Variants in PCDHGB4 observed in about 807,000 individuals in gnomAD.
The protein encoded by PCDHGB4 is protocadherin gamma-B4.
In PCDHGB4, 38 loss-of-function variants were observed where a neutral mutation model predicts 60.5. The ratio of observed to expected loss-of-function variants is 0.63; its 90% CI spans 0.48 to 0.82. PCDHGB4 has a LOEUF of 0.82. Ranked by LOEUF, PCDHGB4 falls within the 40% of genes least tolerant of loss-of-function variation. PCDHGB4 has a pLI of 0.00. For missense variants in PCDHGB4, 1,109 were observed against 1,209.6 expected, an observed-to-expected ratio of 0.92 and a Z score of 1.23; for synonymous variants, 456 against 509.7, an observed-to-expected ratio of 0.89 and a Z score of 1.42.
At position 141,389,005 on chromosome 5, in the gene PCDHGB4, C is replaced by T. The variant is rs757594459; in HGVS notation, c.1121C>T (p.Ser374Phe). 81 of 1,613,780 alleles carry T rather than the reference C, an allele frequency of 5.0e-5. No individual in the cohort carries two copies. Among genetic ancestry groups the T allele is most frequent in the Non-Finnish European group, 6.7e-5 (79 of 1,179,858 alleles). The change falls in exon 1 of 4, where the codon TCC (serine) becomes TTC (phenylalanine). Residue 374 changes from serine to phenylalanine, a missense_variant. By Grantham distance (155) the Ser-to-Phe change is radical. Transcript: ENST00000519479. The part of the protein sequence containing the change: ...IALLKVRDKD[S>F]RHNGEVTCKL... The stretch of plus-strand genomic sequence containing the variant: ...TTGCTCAAAGTCCGTGACAAGGATT[C>T]CAGACACAATGGAGAAGTGACTTGT...
intron 3 of PCDHGB4, among the ~76,000 whole-genome samples, chr5:141,509,686 G>A (rs1350812680): frequency 6.6e-6 from 1 of 152,212 alleles, no homozygotes; most frequent in Non-Finnish European, 1.5e-5. Flanking sequence ...CTTCTGTACA[G>A]TGGGACGTTG....
intron 1 of PCDHGB4, chr5:141,417,615 A>G (rs908930043): frequency 3.2e-6 from 2 of 629,140 alleles, no homozygotes; most frequent in Non-Finnish European, 5.1e-6. Flanking sequence ...CGGCCAGTGC[A>G]GAGCAAGCGC....
At chr5:141,415,653 G>T in intron 1 of PCDHGB4, 1 of 1,539,362 alleles carries the variant, frequency 6.5e-7, no homozygotes, top group Non-Finnish European at 8.8e-7. Context: ...AAAAAAAAAA[G>T]ATTGGTTTTT....
At chr5:141,394,874 G>C in intron 1 of PCDHGB4, 3 of 1,613,814 alleles carry the variant, frequency 1.9e-6, no homozygotes, top group South Asian at 1.1e-5. Context: ...CGAACGATTC[G>C]AGCCTTACAC....
intron 1 of PCDHGB4, chr5:141,391,427 A>G (rs1374909206): frequency 1.3e-5 from 2 of 151,516 alleles, no homozygotes; most frequent in Non-Finnish European, 2.9e-5. Flanking sequence ...TTCCTTCTGC[A>G]TCAGCCTCCT....
rs560084217 is a variant in PCDHGB4 at position 141,395,247 on chromosome 5, G to A, written c.2397+4966G>A. On this transcript the variant is annotated intron_variant, in intron 1 of 3. Transcript: ENST00000519479. ...AGCTGATCATGGTCAGGTGAGTTTA[G>A]TTCTTTGCTTGCTTTTAATTTCCAG... 4 of 1,561,194 alleles carry A rather than the reference G, an allele frequency of 2.6e-6. No individual in the cohort carries two copies. The East Asian group carries it at 9.1e-5, about 35-fold the overall frequency.
chr5:141,508,737 C>A (rs919094477), intron 3 of PCDHGB4, among the ~76,000 whole-genome samples: 8 of 152,010 alleles, frequency 5.3e-5, no homozygotes, highest in Non-Finnish European at 1.2e-4. Flanking sequence ...CTACACCCCC[C>A]ACCCCGCTCT....
chr5:141,475,708 C>G (rs2099367415), intron 1 of PCDHGB4, among the ~76,000 whole-genome samples: 1 of 152,238 alleles, frequency 6.6e-6, no homozygotes, highest in African/African-American at 2.4e-5. Flanking sequence ...AACGGCTAGC[C>G]TCACAGCCCC....
At position 141,477,505 on chromosome 5, in the gene PCDHGB4, C is replaced by T. The variant is rs2099412175; in HGVS notation, c.2398-17302C>T. The T allele has an allele frequency of 5.0e-6, 8 of 1,614,126 alleles. No individual in the cohort carries two copies. Among genetic ancestry groups the T allele is most frequent in the Admixed American group, 1.7e-5 (1 of 60,024 alleles). On this transcript the variant is annotated intron_variant, in intron 1 of 3. Transcript: ENST00000519479. This position sits in a 1 kb window ranked among gnomAD's most constrained non-coding sequence, Gnocchi z 4.9. ...CACAATCTTCTCAATCTTCCTACGACGTTTACATTGAAGAAAACAACCTCC... is the reference window on the plus strand; with the variant it reads ...CACAATCTTCTCAATCTTCCTACGATGTTTACATTGAAGAAAACAACCTCC...
intron 1 of PCDHGB4, chr5:141,409,662 TCTC>T (rs1473145245): frequency 2.5e-6 from 4 of 1,613,562 alleles, no homozygotes; most frequent in Admixed American, 1.7e-5. Context: ...AATGGCCACA[TCTC>T]CTACTCTATA....
At position 141,428,042 on chromosome 5, in the gene PCDHGB4, G is replaced by A; in HGVS notation, c.2397+37761G>A. The A allele has an allele frequency of 1.9e-6, 3 of 1,608,716 alleles. No individual in the cohort carries two copies. The South Asian group carries it at 3.3e-5, about 18-fold the overall frequency. On this transcript the variant is annotated intron_variant, in intron 1 of 3. Transcript: ENST00000519479. ...GCGCCGCAGAGTCCGGCTACCTGGT[G>A]ACCAAGGTGGTGGCGGTGGACGCAG...
chr5:141,426,418 T>C (rs1445827088), intron 1 of PCDHGB4: 2 of 288,504 alleles, frequency 6.9e-6, no homozygotes, highest in Non-Finnish European at 1.4e-5. Flanking sequence ...GGTCCAGGGC[T>C]CCGTGGTGGG....
chr5:141,450,119 G>A (rs765403319), intron 1 of PCDHGB4, among the ~76,000 whole-genome samples: 2 of 148,920 alleles, frequency 1.3e-5, no homozygotes, highest in Non-Finnish European at 3.0e-5. Context: ...TGATTCTCCT[G>A]CCTTAGCCTC....
At chr5:141,413,364 G>A (rs759265336) in intron 1 of PCDHGB4, 14 of 1,613,870 alleles carry the variant, frequency 8.7e-6, no homozygotes, top group African/African-American at 5.3e-5. Flanking sequence ...CCCGGGAGCT[G>A]GCGGAGCGCG....
rs1378140695 is a variant in PCDHGB4, at chr5:141,485,189, A to G, written c.2398-9618A>G. On this transcript the variant is annotated intron_variant, in intron 1 of 3. Transcript: ENST00000519479. The surrounding 1 kb of genome is among the most constrained non-coding windows in gnomAD (Gnocchi z 5.7). ...GGCGGCAGCAATGCTCCGCAAGGTGAGAAGCTGGACAGAAATCTGGCGGTG... is the reference window on the plus strand; with the variant it reads ...GGCGGCAGCAATGCTCCGCAAGGTGGGAAGCTGGACAGAAATCTGGCGGTG... 1 of 1,613,726 alleles carries G rather than the reference A, an allele frequency of 6.2e-7. No homozygotes were observed. The highest frequency in any genetic ancestry group is 1.7e-5 in the Admixed American group (1 of 60,020).
At chr5:141,500,568 T>C (rs1562196424) in intron 2 of PCDHGB4, among the ~76,000 whole-genome samples, 2 of 152,190 alleles carry the variant, frequency 1.3e-5, no homozygotes, top group Admixed American at 6.5e-5. Context: ...CTTGTCACAC[T>C]TTCATGTGAC....
Position 141,388,592 on chromosome 5 carries a change from T to C in PCDHGB4, c.708T>C (p.Asn236=), listed in dbSNP as rs1435796614. The change falls in exon 1 of 4, where the codon AAT becomes AAC. Residue 236 remains asparagine, a synonymous_variant. Coordinates refer to ENST00000519479, the MANE Select transcript of PCDHGB4 (RefSeq NM_003736.4). ...TACACGTTCTAGTGACTGATGCCAATGATAATGCTCCAGTGTTCAGTCAAG... is the reference window on the plus strand; with the variant it reads ...TACACGTTCTAGTGACTGATGCCAACGATAATGCTCCAGTGTTCAGTCAAG... ...AQIHVLVTDA[N]DNAPVFSQDV... is the part of the protein sequence containing the mutation. 1 of 1,613,880 alleles carries C rather than the reference T, an allele frequency of 6.2e-7. No homozygotes were observed. The highest frequency in any genetic ancestry group is 8.5e-7 in the Non-Finnish European group (1 of 1,179,882).
intron 1 of PCDHGB4, among the ~76,000 whole-genome samples, chr5:141,470,036 C>T (rs573955901): frequency 5.3e-5 from 8 of 152,022 alleles, no homozygotes; most frequent in South Asian, 2.1e-4. Flanking sequence ...TGCTGAGGCG[C>T]GAGAACTGTT....
chr5:141,397,907 G>C, intron 1 of PCDHGB4: 1 of 663,426 alleles, frequency 1.5e-6, no homozygotes, highest in Non-Finnish European at 2.5e-6. Context: ...AGAGCTTGGC[G>C]CTCCAGATCT....
Sources: allele counts gnomAD v4.1 joint callset (sites outside exome capture counted in the v4.1 genomes callset), GRCh38; gene constraint gnomAD v4.1.1; non-coding constraint Gnocchi (gnomAD v3.1); transcripts MANE v1.5; gene names NCBI Gene and HGNC (gene_info 2026-07-23, HGNC 2026-07-21).